Variants in CCDC178 observed in about 807,000 individuals in gnomAD.
CCDC178 encodes the protein coiled-coil domain containing 178, also known as coiled-coil domain-containing protein 178.
CCDC178 carries 126 observed loss-of-function variants against 117.4 expected under a neutral mutation model. The ratio of observed to expected loss-of-function variants is 1.07; its 90% CI spans 0.93 to 1.24. CCDC178 has a LOEUF of 1.24. Among genes scored for constraint, CCDC178 ranks in the 50% most tolerant of loss-of-function variants. CCDC178 has a pLI of 0.00. For synonymous variants in CCDC178, 283 were observed against 313.4 expected (o/e 0.90, Z 1.02); for missense variants, 1,030 against 986.9 (o/e 1.04, Z -0.59).
intron 18 of CCDC178, among the ~76,000 whole-genome samples, chr18:33,216,040 A>T (rs1405500709): frequency 1.3e-5 from 2 of 151,934 alleles, no homozygotes; most frequent in Non-Finnish European, 2.9e-5. Context: ...CAAGGATGCA[A>T]TGAGCCATGA....
At chr18:33,282,305 A>T in intron 12 of CCDC178, among the ~76,000 whole-genome samples, 1 of 152,118 alleles carries the variant, frequency 6.6e-6, no homozygotes, top group South Asian at 2.1e-4. Flanking sequence ...TGGAGCCCAG[A>T]GGGTTTGGAG....
intron 21 of CCDC178, among the ~76,000 whole-genome samples, chr18:33,001,959 G>A (rs1258645389): frequency 6.6e-6 from 1 of 152,150 alleles, no homozygotes; most frequent in African/African-American, 2.4e-5. Context: ...GTGATAAACA[G>A]GTCAATTAAG....
At chr18:33,315,901 T>C (rs1367754753) in intron 11 of CCDC178, among the ~76,000 whole-genome samples, 1 of 152,254 alleles carries the variant, frequency 6.6e-6, no homozygotes, top group Non-Finnish European at 1.5e-5. Context: ...TTGCAAAATA[T>C]AGTAATTAAG....
intron 20 of CCDC178, among the ~76,000 whole-genome samples, chr18:33,195,537 C>A (rs2058920535): frequency 1.3e-5 from 2 of 152,156 alleles, no homozygotes; most frequent in South Asian, 4.1e-4. Flanking sequence ...GCCAAGCCTG[C>A]TTTTCCTCCT....
At position 33,328,093 on chromosome 18, in the gene CCDC178, T is replaced by G. The variant is rs754177892; in HGVS notation, c.880-4460A>C. On this transcript the variant is annotated intron_variant, in intron 10 of 22. Coordinates refer to ENST00000383096, the MANE Select transcript of CCDC178 (RefSeq NM_001105528.4). Reference sequence around the variant, plus strand: ...AAGATTTATCCCTAGATTTTTTTTTTTTTTTTTTTTTTTTTTTTTTTTTTT... The same window carrying G: ...AAGATTTATCCCTAGATTTTTTTTTGTTTTTTTTTTTTTTTTTTTTTTTTT... 1.6e-3 allele frequency: 248 copies of G among 155,746 alleles called. 5 individuals are homozygous for G. In the African/African-American group the frequency reaches 0.019, roughly 12 times the overall value. The allele number at this position is 155,746 out of a possible 1,614,324, so 9.6% of individuals were successfully genotyped here.
In CCDC178 at chr18:33,415,507, C is replaced by A. The variant is rs534705172; in HGVS notation, c.-22-3397G>T. ...ATAGGTGAGAATTGAACAATGAGAACACATGGACACAGGAAGGGGGACATC... is the reference window on the plus strand; with the variant it reads ...ATAGGTGAGAATTGAACAATGAGAAAACATGGACACAGGAAGGGGGACATC... On this transcript the variant is annotated intron_variant, in intron 2 of 22. Coordinates refer to ENST00000383096, the MANE Select transcript of CCDC178 (RefSeq NM_001105528.4). Among the ~76,000 whole-genome samples the A allele has an allele frequency of 1.7e-3, 258 of 149,254 alleles. 3 individuals carry two copies. Among genetic ancestry groups the A allele is most frequent in the African/African-American group, 5.9e-3 (239 of 40,318 alleles).
intron 12 of CCDC178, among the ~76,000 whole-genome samples, chr18:33,280,400 G>A (rs2144820743): frequency 6.6e-6 from 1 of 151,400 alleles, no homozygotes; most frequent in Admixed American, 6.6e-5. Flanking sequence ...AAACCACTAT[G>A]AGATACCATC....
intron 2 of CCDC178, among the ~76,000 whole-genome samples, chr18:33,430,932 G>A (rs972054043): frequency 2.0e-5 from 3 of 151,834 alleles, no homozygotes; most frequent in Non-Finnish European, 4.4e-5. Flanking sequence ...AAAATTAGCC[G>A]GGCGCGGTGG....
At chr18:33,000,340 T>A (rs546935240) in intron 21 of CCDC178, among the ~76,000 whole-genome samples, 1 of 151,438 alleles carries the variant, frequency 6.6e-6, no homozygotes, top group South Asian at 2.1e-4. Flanking sequence ...ACCTACAAGA[T>A]CTAGAAAATA....
At chr18:33,374,416 C>A (rs2063338584) in intron 5 of CCDC178, among the ~76,000 whole-genome samples, 1 of 152,148 alleles carries the variant, frequency 6.6e-6, no homozygotes, top group African/African-American at 2.4e-5. Flanking sequence ...AGAAAATGCA[C>A]ATTTAACTAA....
chr18:33,220,667 C>T (rs193279525), intron 18 of CCDC178, among the ~76,000 whole-genome samples: 6 of 152,138 alleles, frequency 3.9e-5, no homozygotes, highest in East Asian at 3.9e-4. Flanking sequence ...TGATCTGAGC[C>T]GTGTGTTTGC....
intron 21 of CCDC178, among the ~76,000 whole-genome samples, chr18:32,978,499 G>GCAGA (rs150265563): frequency 0.013 from 1,912 of 152,256 alleles, 41 homozygotes; most frequent in African/African-American, 0.043. Flanking sequence ...TAAGATGTCA[G>GCAGA]CAGTGATCAC....
In CCDC178 at chr18:33,362,432, A is replaced by G. The variant is rs928706278; in HGVS notation, c.349-6086T>C. On this transcript the variant is annotated intron_variant, in intron 6 of 22. Coordinates refer to ENST00000383096, the MANE Select transcript of CCDC178 (RefSeq NM_001105528.4). ...AAGAGGAAATGCAGAGATGCAGGTCAGAGGATACAAAGCAGCAGATATGGA... is the reference window on the plus strand; with the variant it reads ...AAGAGGAAATGCAGAGATGCAGGTCGGAGGATACAAAGCAGCAGATATGGA... 4.6e-5 allele frequency among the ~76,000 whole-genome samples: 7 copies of G among 151,838 alleles called. No individual in the cohort carries two copies. In the South Asian group the frequency reaches 6.2e-4, roughly 13 times the overall value.
At position 33,246,362 on chromosome 18, in the gene CCDC178, T is replaced by C. The variant is rs190356911; in HGVS notation, c.1410-934A>G. On this transcript the variant is annotated intron_variant, in intron 14 of 22. Transcript: ENST00000383096. ...GGTCTGAGAATAGCTCCCAGGTTGA[T>C]GACACTTGGTTGCAGATCACACTTC... Among the ~76,000 whole-genome samples the C allele has an allele frequency of 3.8e-3, 577 of 151,864 alleles. 2 individuals are homozygous for C. The highest frequency in any genetic ancestry group is 6.4e-3 in the South Asian group (31 of 4,818).
intron 20 of CCDC178, among the ~76,000 whole-genome samples, chr18:33,140,864 A>G (rs919165481): frequency 1.3e-5 from 2 of 152,332 alleles, no homozygotes; most frequent in East Asian, 3.9e-4. Flanking sequence ...TCCAAATCTC[A>G]TCTTGGATTA....
intron 21 of CCDC178, among the ~76,000 whole-genome samples, chr18:33,037,255 T>C (rs1162214300): frequency 6.6e-6 from 1 of 151,926 alleles, no homozygotes; most frequent in African/African-American, 2.4e-5. Flanking sequence ...ATGAGACAAA[T>C]AGTCCCAGAT....
intron 16 of CCDC178, 150 bp from the exon 17 acceptor site, chr18:33,225,086 A>ATATATTACATATAT: frequency 3.5e-6 from 1 of 284,236 alleles, no homozygotes; most frequent in East Asian, 6.5e-5. Flanking sequence ...CGAATGTAAT[A>ATATATTACATATAT]TATATTACAT....
rs2063181982 is a variant in CCDC178 at position 33,364,987 on chromosome 18, GA to G, written c.348+5062del. Among the ~76,000 whole-genome samples, 4 of 152,036 alleles carry G rather than the reference GA, an allele frequency of 2.6e-5. No individual in the cohort carries two copies. The South Asian group carries it at 8.3e-4, about 32-fold the overall frequency. On this transcript the variant is annotated intron_variant, in intron 6 of 22. Coordinates refer to ENST00000383096, the MANE Select transcript of CCDC178 (RefSeq NM_001105528.4). ...GGAGTGGGGATGGCAGACCATCAGA[GA>G]TATTTGGGGTTGGCATTTTGTCAGA...
At chr18:33,026,122 C>T (rs1266023292) in intron 21 of CCDC178, among the ~76,000 whole-genome samples, 1 of 152,048 alleles carries the variant, frequency 6.6e-6, no homozygotes, top group African/African-American at 2.4e-5. Context: ...AGGTCACAAA[C>T]TGTATGATCC....
Sources: allele counts gnomAD v4.1 joint callset (sites outside exome capture counted in the v4.1 genomes callset), GRCh38; gene constraint gnomAD v4.1.1; transcripts MANE v1.5; gene names NCBI Gene and HGNC (gene_info 2026-07-23, HGNC 2026-07-21).